The following BRCA1 variants were observed in gnomAD, a reference collection of about 807,000 sequenced individuals.
The protein encoded by BRCA1 is breast cancer type 1 susceptibility protein.
A neutral mutation model predicts 173.7 loss-of-function variants in BRCA1; 140 were observed. The ratio of observed to expected loss-of-function variants is 0.81; its 90% CI spans 0.70 to 0.93. BRCA1 has a LOEUF of 0.93. Ranked by LOEUF, BRCA1 falls within the 40% of genes least tolerant of loss-of-function variation. BRCA1 has a pLI of 0.00. For synonymous variants in BRCA1, 662 were observed against 756.0 expected, an observed-to-expected ratio of 0.88 and a Z score of 2.04; for missense variants, 1,983 against 2,172.5, an observed-to-expected ratio of 0.91 and a Z score of 1.73.
Position 43,100,630 on chromosome 17 carries a change from TGTTATATATATATAAC to T in BRCA1, c.442-766_442-751del, listed in dbSNP as rs1567807361. Among the ~76,000 whole-genome samples, 40 of 57,826 alleles carry T rather than the reference TGTTATATATATATAAC, an allele frequency of 6.9e-4. 5 individuals carry two copies. Among genetic ancestry groups the T allele is most frequent in the Admixed American group, 4.6e-3 (22 of 4,736 alleles). The allele number at this position is 57,826 out of a possible 152,430, so 37.9% of individuals were successfully genotyped here. ...ATAACATATATATAACATATATATA[TGTTATATATATATAAC>T]ATATATATAACATATATATATATAT... On this transcript the variant is annotated intron_variant, in intron 6 of 22. Transcript: ENST00000357654.
rs2154396157 is a variant in BRCA1 at position 43,093,369 on chromosome 17, A to G, written c.2162T>C (p.Phe721Ser). Residue 721 changes from phenylalanine to serine, a missense_variant, in exon 10 of 23, where the codon TTT becomes TCT. Coordinates refer to ENST00000357654, the MANE Select transcript of BRCA1 (RefSeq NM_007294.4). ...TTCTCTTGGAAGGCTAGGATTGACA[A>G]ATTCTTTAAGTTCACTGGTATTTGA... ...KCSNTSELKE[F>S]VNPSLPREEK... is the part of the protein sequence containing the mutation. 1 of 1,613,944 alleles carries G rather than the reference A, an allele frequency of 6.2e-7. No homozygotes were observed. Among genetic ancestry groups the G allele is most frequent in the Non-Finnish European group, 8.5e-7 (1 of 1,179,964 alleles).
Position 43,100,682 on chromosome 17 carries a change from T to TATA in BRCA1, c.442-805_442-803dup, listed in dbSNP as rs1567807798. Among the ~76,000 whole-genome samples, 81 of 74,426 alleles carry TATA rather than the reference T, an allele frequency of 1.1e-3. 9 individuals carry two copies. In the African/African-American group the frequency reaches 0.012, roughly 11 times the overall value. The allele number at this position is 74,426 out of a possible 152,430, so 48.8% of individuals were successfully genotyped here. A position where few individuals can be genotyped will look rare whatever the true frequency, so the allele number is the denominator to read the frequency against. On this transcript the variant is annotated intron_variant, in intron 6 of 22. Transcript: ENST00000357654. ...CATATATATATATATATATATAATA[T>TATA]ATATATATATATATATATATGTAAT...
At position 43,049,144 on chromosome 17, in the gene BRCA1, G is replaced by A. The variant is rs878854958; in HGVS notation, c.5383C>T (p.Leu1795Phe). The A allele has an allele frequency of 1.2e-6, 2 of 1,614,080 alleles. No homozygotes were observed. Among genetic ancestry groups the A allele is most frequent in the Admixed American group, 1.7e-5 (1 of 60,014 alleles). ...ACTGTGCCAAGGGTGAATGATGAAAGCTCCTTCACCACAGAAGCACCACAC... is the reference window on the plus strand; with the variant it reads ...ACTGTGCCAAGGGTGAATGATGAAAACTCCTTCACCACAGAAGCACCACAC... ...QLCGASVVKE[L>F]SSFTLGTGVH... The change falls in exon 21 of 23, where the codon CTT (leucine) becomes TTT (phenylalanine). Residue 1795 changes from leucine to phenylalanine, a missense_variant. Physicochemically the swap from Leu to Phe is conservative, Grantham distance 22. Transcript: ENST00000357654.
At position 43,094,356 on chromosome 17, in the gene BRCA1, A is replaced by T. The variant is rs777305766; in HGVS notation, c.1175T>A (p.Leu392Gln). The change falls in exon 10 of 23, where the codon CTG (leucine) becomes CAG (glutamine). Residue 392 changes from leucine (L) to glutamine (Q), a missense_variant. Transcript: ENST00000357654. ...ATCATGTGAGTCATCAGAACCTAAC[A>T]GTTCATCACTTCTGGAAAACCACTC... is the stretch of plus-strand genomic sequence containing the variant. ...VNEWFSRSDE[L>Q]LGSDDSHDGE... 1 of 1,614,138 alleles carries T rather than the reference A, an allele frequency of 6.2e-7. No homozygotes were observed. Among genetic ancestry groups the T allele is most frequent in the Non-Finnish European group, 8.5e-7 (1 of 1,179,988 alleles).
At chr17:43,137,362 C>T (rs1597933909) in intron 1 of BRCA1, among the ~76,000 whole-genome samples, 4 of 151,320 alleles carry the variant, frequency 2.6e-5, no homozygotes, top group Non-Finnish European at 4.4e-5. Context: ...ACCAACATGA[C>T]ACGTGTATAC....
chr17:43,115,737 G>A lies in BRCA1; in HGVS notation c.123C>T (p.His41=), dbSNP rs786202211. ...IKEPVSTKCD[H]IFCKFCMLKL... ...ACATTCAAACTTACTTGCAAAATATGTGGTCACACTTTGTGGAGACAGGTT... is the reference window on the plus strand; with the variant it reads ...ACATTCAAACTTACTTGCAAAATATATGGTCACACTTTGTGGAGACAGGTT... The change falls in exon 3 of 23, where the codon CAC becomes CAT. Residue 41 remains histidine (H), a synonymous_variant. Coordinates refer to ENST00000357654, the MANE Select transcript of BRCA1 (RefSeq NM_007294.4). 1 of 1,613,562 alleles carries A rather than the reference G, an allele frequency of 6.2e-7. No individual in the cohort carries two copies. Among genetic ancestry groups the A allele is most frequent in the Non-Finnish European group, 8.5e-7 (1 of 1,179,738 alleles).
chr17:43,147,485 G>A (rs751109021), intron 1 of BRCA1, among the ~76,000 whole-genome samples: 13 of 152,150 alleles, frequency 8.5e-5, no homozygotes, highest in East Asian at 3.9e-4. Context: ...CACCGTGCCC[G>A]GCAGTAGTGA....
At chr17:43,068,163 G>A (rs1294253741) in intron 15 of BRCA1, among the ~76,000 whole-genome samples, 1 of 151,658 alleles carries the variant, frequency 6.6e-6, no homozygotes, top group African/African-American at 2.4e-5. Flanking sequence ...TGTAGTCTCA[G>A]CTACTCAGGA....
At chr17:43,164,770 A>T (rs936108926) in intron 1 of BRCA1, 1 of 152,112 alleles carries the variant, frequency 6.6e-6, no homozygotes, top group Non-Finnish European at 1.5e-5. Flanking sequence ...CCACCTTTCG[A>T]TGAGAATGTG....
intron 3 of BRCA1, among the ~76,000 whole-genome samples, chr17:43,113,560 T>C (rs1457386187): frequency 1.3e-5 from 2 of 151,980 alleles, no homozygotes; most frequent in Non-Finnish European, 2.9e-5. Context: ...GTAGAGACAG[T>C]GTTTCGCCAT....
intron 1 of BRCA1, among the ~76,000 whole-genome samples, chr17:43,150,732 CT>C (rs1256872752): frequency 8.0e-5 from 12 of 150,054 alleles, no homozygotes; most frequent in Non-Finnish European, 1.3e-4. Context: ...TGAGCTCTAG[CT>C]AAAAAAAAAC....
intron 19 of BRCA1, among the ~76,000 whole-genome samples, chr17:43,053,587 A>G (rs1214038118): frequency 6.6e-6 from 1 of 151,064 alleles, no homozygotes; most frequent in African/African-American, 2.4e-5. Context: ...GTGTGAACCC[A>G]GGAGGTGGAG....
In BRCA1 at chr17:43,051,044, G is replaced by A. The variant is rs774813458; in HGVS notation, c.5332+19C>T. On this transcript the variant is annotated intron_variant, in intron 20 of 22. Transcript: ENST00000357654. ...ACAAAGGCTGGTGCTGGAACTCTGG[G>A]GTTCTCCCAGGCTCTTACCTGTGGG... The A allele has an allele frequency of 6.2e-6, 10 of 1,611,438 alleles. No homozygotes were observed. The highest frequency in any genetic ancestry group is 1.7e-6 in the Non-Finnish European group (2 of 1,177,554).
At chr17:43,159,924 G>A (rs540991087) in intron 1 of BRCA1, among the ~76,000 whole-genome samples, 1 of 152,260 alleles carries the variant, frequency 6.6e-6, no homozygotes, top group Admixed American at 6.5e-5. Context: ...CTCACTCCAA[G>A]AGTCAGACTT....
chr17:43,138,714 T>C lies in BRCA1; in HGVS notation c.-19-14599A>G, dbSNP rs745437662. The C allele has an allele frequency of 2.7e-5, 21 of 779,158 alleles. No individual in the cohort carries two copies. The East Asian group carries it at 5.1e-4, about 19-fold the overall frequency. 48.3% of individuals were successfully genotyped at this position (779,158 alleles called of 1,614,324 possible). A position where few individuals can be genotyped will look rare whatever the true frequency, so the allele number is the denominator to read the frequency against. ...TCCCTTGCCAGCAGGGTGCTGCCAA[T>C]AAAAGGTAGTCACGTGGAATTTGGA... On this transcript the variant is annotated intron_variant, in intron 1 of 7. Transcript: ENST00000634433.
chr17:43,129,493 T>A (rs1454426529), upstream of BRCA1, among the ~76,000 whole-genome samples: 2 of 152,070 alleles, frequency 1.3e-5, no homozygotes, highest in African/African-American at 4.8e-5. Flanking sequence ...TTTTTGAGAC[T>A]GAGTCTCGCT....
Position 43,091,714 on chromosome 17 carries a change from G to A in BRCA1, c.3817C>T (p.Gln1273Ter), listed in dbSNP as rs80357208. The A allele has an allele frequency of 6.2e-7, 1 of 1,614,142 alleles. No individual in the cohort carries two copies. The highest frequency in any genetic ancestry group is 8.5e-7 in the Non-Finnish European group (1 of 1,180,020). Residue 1273 changes from glutamine to a stop codon, truncating the protein, a stop_gained, in exon 10 of 23, where the codon CAG (glutamine) becomes TAG (stop). Transcript: ENST00000357654. LOFTEE classifies it high-confidence loss of function. The stretch of plus-strand genomic sequence containing the variant: ...TGAGATGCCTTTGCCAATATTACCT[G>A]GTTACTGCAGTCATTTAAGCTATTC... Reference protein sequence around the residue: ...LKNSLNDCSNQVILAKASQEH... With the variant: ...LKNSLNDCSN
rs749322383 is a variant in BRCA1, at chr17:43,104,310, A to C, written c.302-49T>G. 9 of 1,573,548 alleles carry C rather than the reference A, an allele frequency of 5.7e-6. No individual in the cohort carries two copies. In the Admixed American group the frequency reaches 1.5e-4, roughly 27 times the overall value. On this transcript the variant is annotated intron_variant, in intron 5 of 22. Coordinates refer to ENST00000357654, the MANE Select transcript of BRCA1 (RefSeq NM_007294.4). ...TATGTTTGCAGTTAGAGAAAAATGT[A>C]TGAATTATAATCAAAGAAACCAAGA...
chr17:43,092,440 T>A lies in BRCA1; in HGVS notation c.3091A>T (p.Ile1031Phe), dbSNP rs786203979. 6.2e-7 allele frequency: 1 copy of A among 1,613,878 alleles called. No individual in the cohort carries two copies. The highest frequency in any genetic ancestry group is 1.3e-5 in the African/African-American group (1 of 74,914). ...STVSTISRNNIRENVFKEASS... is the reference protein window; with the variant it reads ...STVSTISRNNFRENVFKEASS... ...GCTTCTTTAAAAACATTTTCTCTAA[T>A]GTTATTACGGCTAATTGTGCTCACT... The change falls in exon 10 of 23, where the codon ATT (isoleucine) becomes TTT (phenylalanine). Residue 1031 changes from isoleucine to phenylalanine, a missense_variant. Ile to Phe is a conservative substitution (Grantham distance 21). Transcript: ENST00000357654.
Sources: gnomAD v4.1 joint callset for allele counts (sites outside exome capture counted in the v4.1 genomes callset) on GRCh38, gnomAD v4.1.1 for gene constraint, MANE v1.5 for transcripts, NCBI Gene and HGNC (gene_info 2026-07-23, HGNC 2026-07-21) for gene names.